The following XYLT1 variants were observed in gnomAD, a reference collection of about 807,000 sequenced individuals.
XYLT1 encodes beta-D-xylosyltransferase 1.
In XYLT1, 36 loss-of-function variants were observed where a neutral mutation model predicts 91.3. The observed-to-expected ratio is 0.39, with a 90% CI of 0.30 to 0.52. The LOEUF is 0.52. Ranked by LOEUF, XYLT1 falls within the 20% of genes least tolerant of loss-of-function variation. The pLI, the probability that XYLT1 is intolerant of heterozygous loss-of-function variation, is 0.68. For missense variants in XYLT1, 1,242 were observed against 1,284.5 expected (o/e 0.97, Z 0.51); for synonymous variants, 588 against 532.0 (o/e 1.11, Z -1.45).
intron 1 of XYLT1, among the ~76,000 whole-genome samples, chr16:17,358,504 C>A (rs912776380): frequency 2.0e-5 from 3 of 152,150 alleles, no homozygotes; most frequent in Admixed American, 2.0e-4. Flanking sequence ...GAGGGCAGCC[C>A]AACCTGTGTC....
At chr16:17,147,961 T>C (rs948617540) in intron 6 of XYLT1, among the ~76,000 whole-genome samples, 2 of 152,234 alleles carry the variant, frequency 1.3e-5, no homozygotes, top group Admixed American at 1.3e-4. Context: ...CTCTTCCTTT[T>C]CATTTCCCAT....
chr16:17,290,295 C>T (rs969206294), intron 2 of XYLT1, among the ~76,000 whole-genome samples: 5 of 152,254 alleles, frequency 3.3e-5, no homozygotes, highest in African/African-American at 1.2e-4. Flanking sequence ...AGATGTCTAT[C>T]TGGACTGACT....
intron 3 of XYLT1, among the ~76,000 whole-genome samples, chr16:17,251,937 GA>G (rs2033547067): frequency 6.6e-6 from 1 of 151,918 alleles, no homozygotes; most frequent in Non-Finnish European, 1.5e-5. Context: ...TGGGGACAGG[GA>G]GGGGGCTGGG....
intron 11 of XYLT1, among the ~76,000 whole-genome samples, chr16:17,112,641 A>T (rs11642569): frequency 0.48 from 72,254 of 151,864 alleles, 17,469 homozygotes; most frequent in East Asian, 0.63. Flanking sequence ...GATGTGAACT[A>T]GATCAAGAAG....
At chr16:17,414,418 C>A (rs745361029) in intron 1 of XYLT1, among the ~76,000 whole-genome samples, 13 of 152,088 alleles carry the variant, frequency 8.5e-5, no homozygotes, top group Admixed American at 1.3e-4. Context: ...ACAGTCTCGA[C>A]CTCCTGGGCT....
chr16:17,400,601 AAG>A (rs1214295339), intron 1 of XYLT1, among the ~76,000 whole-genome samples: 1 of 140,634 alleles, frequency 7.1e-6, no homozygotes, highest in Non-Finnish European at 1.5e-5. Context: ...AAAAAAAAGA[AAG>A]AGAGGGAGGG....
intron 2 of XYLT1, among the ~76,000 whole-genome samples, chr16:17,283,664 C>T (rs1384279673): frequency 6.6e-6 from 1 of 152,184 alleles, no homozygotes; most frequent in Non-Finnish European, 1.5e-5. Flanking sequence ...GCTCCAACGG[C>T]TTTGCTCCTT....
At chr16:17,253,871 C>A (rs2033587761) in intron 3 of XYLT1, among the ~76,000 whole-genome samples, 1 of 146,396 alleles carries the variant, frequency 6.8e-6, no homozygotes, top group African/African-American at 2.5e-5. Context: ...AGCGAGCCTG[C>A]AGGTGGAAGA....
At chr16:17,112,766 CTCTG>C (rs1189793750) in intron 11 of XYLT1, among the ~76,000 whole-genome samples, 2 of 152,112 alleles carry the variant, frequency 1.3e-5, no homozygotes, top group African/African-American at 4.8e-5. Context: ...AACATGAGGT[CTCTG>C]TCTTTCTGCT....
chr16:17,110,154 A>G (rs1966833877), intron 11 of XYLT1, among the ~76,000 whole-genome samples: 1 of 152,212 alleles, frequency 6.6e-6, no homozygotes, highest in African/African-American at 2.4e-5. Context: ...CTTCATCAAT[A>G]AAATGGGTAA....
At chr16:17,164,115 G>A (rs1010957743) in intron 5 of XYLT1, among the ~76,000 whole-genome samples, 1 of 147,250 alleles carries the variant, frequency 6.8e-6, no homozygotes, top group Admixed American at 6.8e-5. Flanking sequence ...CAGGCAAGTT[G>A]AGGAAGTTGA....
chr16:17,129,072 G>GA (rs34234422), intron 9 of XYLT1, among the ~76,000 whole-genome samples: 13,830 of 94,812 alleles, frequency 0.15, 1,467 homozygotes, highest in South Asian at 0.29. Flanking sequence ...AGGGAGCATA[G>GA]AAAAAAAAAA....
chr16:17,204,637 C>T (rs1029800110), intron 3 of XYLT1, among the ~76,000 whole-genome samples: 2 of 152,136 alleles, frequency 1.3e-5, no homozygotes, highest in East Asian at 3.9e-4. Context: ...AATTTCTGTG[C>T]ATGATTTTAT....
At chr16:17,345,971 T>G (rs978477761) in intron 2 of XYLT1, among the ~76,000 whole-genome samples, 3 of 151,862 alleles carry the variant, frequency 2.0e-5, no homozygotes, top group African/African-American at 7.3e-5. Flanking sequence ...CCACCACACG[T>G]GGCTAATTTT....
intron 9 of XYLT1, among the ~76,000 whole-genome samples, chr16:17,130,555 C>G (rs560650327): frequency 1.6e-4 from 25 of 152,226 alleles, no homozygotes; most frequent in African/African-American, 5.5e-4. Flanking sequence ...TCACTGCAAC[C>G]TCTGCCTCCC....
intron 2 of XYLT1, among the ~76,000 whole-genome samples, chr16:17,342,746 T>C (rs1314689103): frequency 6.6e-6 from 1 of 152,084 alleles, no homozygotes; most frequent in Non-Finnish European, 1.5e-5. Context: ...GCGTTTCTCA[T>C]TTACTACCTG....
rs35971345 is a variant in XYLT1 at position 17,306,557 on chromosome 16, G to GATATATAT, written c.403-47067_403-47060dup. ...GTGACAGAGTGAGACTGTCACAAAA[G>GATATATAT]ATATATATATATATATATATTCCCT... On this transcript the variant is annotated intron_variant, in intron 2 of 11. Coordinates refer to ENST00000261381, the MANE Select transcript of XYLT1 (RefSeq NM_022166.4). Among the ~76,000 whole-genome samples the GATATATAT allele has an allele frequency of 9.4e-3, 1,379 of 146,488 alleles. 15 individuals are homozygous for GATATATAT. Among genetic ancestry groups the GATATATAT allele is most frequent in the African/African-American group, 0.032 (1,265 of 39,886 alleles).
intron 2 of XYLT1, among the ~76,000 whole-genome samples, chr16:17,346,812 A>G (rs1329079724): frequency 6.6e-6 from 1 of 152,146 alleles, no homozygotes; most frequent in Non-Finnish European, 1.5e-5. Flanking sequence ...TTTCCTTCTC[A>G]GGACAATAAA....
Position 17,283,123 on chromosome 16 carries a change from C to G in XYLT1, c.403-23625G>C, listed in dbSNP as rs554314400. Among the ~76,000 whole-genome samples the G allele has an allele frequency of 9.8e-5, 15 of 152,294 alleles. No homozygotes were observed. In the South Asian group the frequency reaches 3.1e-3, roughly 32 times the overall value. On this transcript the variant is annotated intron_variant, in intron 2 of 11. Coordinates refer to ENST00000261381, the MANE Select transcript of XYLT1 (RefSeq NM_022166.4). The stretch of plus-strand genomic sequence containing the variant: ...AGTGGATGGAAATGAAGGGGCACAT[C>G]CCGTCCTCGCTTGGAAGGAAGAAGG...
Sources: allele counts gnomAD v4.1 joint callset (sites outside exome capture counted in the v4.1 genomes callset), GRCh38; gene constraint gnomAD v4.1.1; transcripts MANE v1.5; gene names NCBI Gene and HGNC (gene_info 2026-07-23, HGNC 2026-07-21).